The following PIK3C2G variants were observed in gnomAD, a reference collection of about 807,000 sequenced individuals.
PIK3C2G encodes phosphatidylinositol-4-phosphate 3-kinase catalytic subunit type 2 gamma.
Under a neutral mutation model 181.1 loss-of-function variants are expected in PIK3C2G, and 168 were observed. The observed-to-expected ratio is 0.93, with a 90% CI of 0.82 to 1.05. The LOEUF is 1.05. PIK3C2G is among the 50% of genes least tolerant of loss of function. The probability of loss-of-function intolerance (pLI) is 0.00; values close to 1 mark genes in which losing one functional copy is unlikely to be tolerated. For synonymous variants in PIK3C2G, 573 were observed against 592.2 expected (o/e 0.97, Z 0.47); for missense variants, 1,869 against 1,732.8 (o/e 1.08, Z -1.40).
chr12:18,726,441 G>A, the PIK3C2G span, among the ~76,000 whole-genome samples: 16 of 152,246 alleles, frequency 1.1e-4, no homozygotes, highest in South Asian at 2.1e-3. Context: ...CTTCAAGACC[G>A]TGAACATCAT....
intron 18 of PIK3C2G, among the ~76,000 whole-genome samples, chr12:18,437,345 T>C (rs556852674): frequency 2.5e-4 from 38 of 152,130 alleles, no homozygotes; most frequent in Admixed American, 2.3e-3. Flanking sequence ...TTGCTTTTAG[T>C]GTAACAAAAC....
chr12:18,450,702 T>C lies in PIK3C2G; in HGVS notation c.2504+26663T>C, dbSNP rs144334106. Among the ~76,000 whole-genome samples the C allele has an allele frequency of 4.6e-5, 7 of 152,320 alleles. No individual in the cohort carries two copies. In the East Asian group the frequency reaches 1.4e-3, roughly 29 times the overall value. On this transcript the variant is annotated intron_variant, in intron 18 of 32. Coordinates refer to ENST00000538779, the MANE Select transcript of PIK3C2G (RefSeq NM_001288772.2). ...ATTGCTTAGGTTTTCTTCTAGGGTT[T>C]TTATGGTTTTAGATTTTAAGTCTTT... is the stretch of plus-strand genomic sequence containing the variant.
chr12:18,379,219 A>G (rs1942670197), intron 13 of PIK3C2G, among the ~76,000 whole-genome samples: 1 of 151,984 alleles, frequency 6.6e-6, no homozygotes, highest in Admixed American at 6.6e-5. Flanking sequence ...TTGTAGGGAC[A>G]TGGATGAAGC....
chr12:18,686,113 G>T, the PIK3C2G span, among the ~76,000 whole-genome samples: 1 of 151,868 alleles, frequency 6.6e-6, no homozygotes, highest in African/African-American at 2.4e-5. Context: ...TCTGCGCAGT[G>T]TTTCTCACTT....
chr12:18,320,354 C>T (rs1951053965), intron 6 of PIK3C2G, among the ~76,000 whole-genome samples: 1 of 149,274 alleles, frequency 6.7e-6, no homozygotes, highest in Admixed American at 6.9e-5. Flanking sequence ...TGTGAGCACA[C>T]ACATATGGGC....
In PIK3C2G at chr12:18,556,962, G is replaced by A. The variant is rs1227034130; in HGVS notation, c.3591-5741G>A. Among the ~76,000 whole-genome samples the A allele has an allele frequency of 2.5e-4, 38 of 152,012 alleles. 1 individual carries two copies. Among genetic ancestry groups the A allele is most frequent in the Admixed American group, 2.3e-3 (35 of 15,232 alleles). On this transcript the variant is annotated intron_variant, in intron 26 of 32. Coordinates refer to ENST00000538779, the MANE Select transcript of PIK3C2G (RefSeq NM_001288772.2). The stretch of plus-strand genomic sequence containing the variant: ...GCCTTGAATCTTTATGAAATTGAAG[G>A]GAAAATTATTAAACATAATTGAAGT...
At chr12:18,468,239 C>A (rs945375921) in intron 18 of PIK3C2G, among the ~76,000 whole-genome samples, 1 of 152,022 alleles carries the variant, frequency 6.6e-6, no homozygotes, top group Non-Finnish European at 1.5e-5. Context: ...TTTACTCTCA[C>A]AAGAACTGAG....
At chr12:18,335,458 A>AGTGT (rs142557829) in intron 8 of PIK3C2G, among the ~76,000 whole-genome samples, 46 of 150,772 alleles carry the variant, frequency 3.1e-4, no homozygotes, top group African/African-American at 1.1e-3. Context: ...ACATGTGGGG[A>AGTGT]GTGTGTGTGT....
chr12:18,485,197 A>T (rs527652071), intron 18 of PIK3C2G, among the ~76,000 whole-genome samples: 2 of 152,292 alleles, frequency 1.3e-5, no homozygotes, highest in South Asian at 4.1e-4. Context: ...GGCTGGGATG[A>T]TGTGATTACT....
intron 31 of PIK3C2G, among the ~76,000 whole-genome samples, chr12:18,626,681 A>C (rs947689055): frequency 1.3e-5 from 2 of 151,926 alleles, no homozygotes; most frequent in African/African-American, 4.8e-5. Context: ...TTCTGGGTAA[A>C]ATAGTCTTGG....
At chr12:18,403,968 C>G (rs1176934000) in intron 16 of PIK3C2G, among the ~76,000 whole-genome samples, 1 of 152,030 alleles carries the variant, frequency 6.6e-6, no homozygotes, top group Non-Finnish European at 1.5e-5. Context: ...TTAAAAATAG[C>G]AACTTTGAAT....
intron 22 of PIK3C2G, 32 bp downstream of exon 22, chr12:18,497,780 C>T (rs756688944): frequency 2.0e-6 from 3 of 1,504,966 alleles, no homozygotes; most frequent in East Asian, 2.4e-5. Context: ...CGCTGGCTCA[C>T]ATTATTTATT....
intron 26 of PIK3C2G, 104 bp downstream of exon 26, chr12:18,546,536 G>A: frequency 1.5e-6 from 1 of 680,784 alleles, no homozygotes; most frequent in South Asian, 1.8e-5. Flanking sequence ...GTATGAAGCT[G>A]TTGTTTCTAG....
chr12:18,291,424 C>A (rs1489563036), intron 4 of PIK3C2G, among the ~76,000 whole-genome samples: 1 of 152,078 alleles, frequency 6.6e-6, no homozygotes, highest in Non-Finnish European at 1.5e-5. Flanking sequence ...TACACAGAAT[C>A]TCTATTTCCT....
chr12:18,572,688 T>C (rs2136382758), intron 29 of PIK3C2G, among the ~76,000 whole-genome samples: 1 of 152,032 alleles, frequency 6.6e-6, no homozygotes, highest in East Asian at 1.9e-4. Flanking sequence ...ATTTCTTCTC[T>C]TTTTCTAGGA....
chr12:18,245,723 T>A (rs1438748980), upstream of PIK3C2G, among the ~76,000 whole-genome samples: 4 of 152,144 alleles, frequency 2.6e-5, no homozygotes, highest in Non-Finnish European at 5.9e-5. Context: ...TGCTTAACCA[T>A]CTCTTTGTGG....
the PIK3C2G span, among the ~76,000 whole-genome samples, chr12:18,717,646 C>G: frequency 1.3e-5 from 2 of 152,094 alleles, no homozygotes; most frequent in Non-Finnish European, 2.9e-5. Flanking sequence ...TTGCCTCAAA[C>G]CCTACAATGG....
chr12:18,584,572 A>G (rs907086785), intron 29 of PIK3C2G, among the ~76,000 whole-genome samples: 1 of 152,148 alleles, frequency 6.6e-6, no homozygotes, highest in African/African-American at 2.4e-5. Context: ...TGAATTATTG[A>G]CATCTCTGAA....
intron 1 of PIK3C2G, among the ~76,000 whole-genome samples, chr12:18,265,307 A>G (rs1948436157): frequency 6.6e-6 from 1 of 152,204 alleles, no homozygotes; most frequent in South Asian, 2.1e-4. Flanking sequence ...TTAAGGAATC[A>G]TGAATAAATA....
Sources: gnomAD v4.1 joint callset for allele counts (sites outside exome capture counted in the v4.1 genomes callset) on GRCh38, gnomAD v4.1.1 for gene constraint, MANE v1.5 for transcripts, NCBI Gene and HGNC (gene_info 2026-07-23, HGNC 2026-07-21) for gene names.